The following CACNG2 variants were observed in gnomAD, a reference collection of about 807,000 sequenced individuals.
CACNG2 encodes voltage-dependent calcium channel gamma-2 subunit.
CACNG2 carries 3 observed loss-of-function variants against 25.9 expected under a neutral mutation model. That is an observed-to-expected ratio of 0.12 (90% confidence interval 0.05 to 0.30). The LOEUF is 0.30. Ranked by LOEUF, CACNG2 falls within the 10% of genes least tolerant of loss-of-function variation. The probability of loss-of-function intolerance (pLI) is 1.00; values close to 1 mark genes in which losing one functional copy is unlikely to be tolerated. For synonymous variants in CACNG2, 167 were observed against 173.3 expected, an observed-to-expected ratio of 0.96 and a Z score of 0.29; for missense variants, 341 against 432.5, an observed-to-expected ratio of 0.79 and a Z score of 1.88.
intron 2 of CACNG2, among the ~76,000 whole-genome samples, chr22:36,576,565 TGTGTGTGC>T (rs1935316722): frequency 1.5e-5 from 1 of 66,736 alleles, no homozygotes; most frequent in African/African-American, 5.8e-5. Flanking sequence ...AAAATGCCTC[TGTGTGTGC>T]GTGTGTGTGT....
At chr22:36,568,439 C>G (rs1033319851) in intron 2 of CACNG2, among the ~76,000 whole-genome samples, 6 of 151,902 alleles carry the variant, frequency 3.9e-5, no homozygotes, top group African/African-American at 1.5e-4. Context: ...GAGTCTTGCT[C>G]TGTTGCCCAG....
chr22:36,610,417 C>T (rs1294287803), intron 1 of CACNG2, among the ~76,000 whole-genome samples: 1 of 152,220 alleles, frequency 6.6e-6, no homozygotes. Flanking sequence ...ATCAGTCCCC[C>T]AGACCGTGAT....
intron 1 of CACNG2, among the ~76,000 whole-genome samples, chr22:36,607,190 T>C (rs1479993474): frequency 6.6e-6 from 1 of 152,100 alleles, no homozygotes; most frequent in Non-Finnish European, 1.5e-5. Context: ...CTTGTGGCCT[T>C]TCCTACTTGG....
At chr22:36,626,383 C>T (rs1936183464) in intron 1 of CACNG2, among the ~76,000 whole-genome samples, 1 of 152,196 alleles carries the variant, frequency 6.6e-6, no homozygotes, top group African/African-American at 2.4e-5. Context: ...TCATTCTTGA[C>T]TACTTCTTTT....
Position 36,562,685 on chromosome 22 carries a change from A to G in CACNG2, c.*1666T>C, listed in dbSNP as rs2145900857. 1 of 152,090 alleles carries G rather than the reference A, an allele frequency of 6.6e-6. No homozygotes were observed. Among genetic ancestry groups the G allele is most frequent in the East Asian group, 1.9e-4 (1 of 5,138 alleles). The allele number at this position is 152,090 out of a possible 1,614,324, so 9.4% of individuals were successfully genotyped here. A position where few individuals can be genotyped will look rare whatever the true frequency, so the allele number is the denominator to read the frequency against. ...GAGACTGAGTGTGTCCCTGTGAGTG[A>G]CTGCAGTGCTGGGCTAAGTGGACTG... On this transcript the variant is annotated 3_prime_UTR_variant, in exon 4 of 4. Transcript: ENST00000300105.
chr22:36,690,980 C>T (rs540893261), intron 1 of CACNG2, among the ~76,000 whole-genome samples: 1 of 144,998 alleles, frequency 6.9e-6, no homozygotes, highest in African/African-American at 2.4e-5. Flanking sequence ...TATCTCCTCT[C>T]CCATACCTTG....
At chr22:36,677,786 C>T (rs955679248) in intron 1 of CACNG2, among the ~76,000 whole-genome samples, 2 of 152,182 alleles carry the variant, frequency 1.3e-5, no homozygotes, top group African/African-American at 4.8e-5. Flanking sequence ...TATATTTCTC[C>T]ATAGAGTGTC....
intron 1 of CACNG2, among the ~76,000 whole-genome samples, chr22:36,682,200 C>T (rs1382809380): frequency 1.3e-5 from 2 of 152,172 alleles, no homozygotes; most frequent in African/African-American, 2.4e-5. Flanking sequence ...GCTTGAAGGC[C>T]CTTGCAGGAG....
At chr22:36,694,689 G>C (rs1937311502) in intron 1 of CACNG2, among the ~76,000 whole-genome samples, 1 of 151,922 alleles carries the variant, frequency 6.6e-6, no homozygotes, top group South Asian at 2.1e-4. Context: ...TATTCTTTAG[G>C]GTCCCCTGCT....
chr22:36,611,541 A>G (rs1935939548), intron 1 of CACNG2, among the ~76,000 whole-genome samples: 1 of 152,226 alleles, frequency 6.6e-6, no homozygotes, highest in South Asian at 2.1e-4. Context: ...GACTGACATC[A>G]GGCAGGCAGG....
In CACNG2 at chr22:36,607,400, C is replaced by A. The variant is rs560505571; in HGVS notation, c.212-19852G>T. On this transcript the variant is annotated intron_variant, in intron 1 of 3. Coordinates refer to ENST00000300105, the MANE Select transcript of CACNG2 (RefSeq NM_006078.5). ...CCTCCTGAGTAGCTGGGACTACAGACACGCGCAATCATGCTCAGCTAATTT... is the reference window on the plus strand; with the variant it reads ...CCTCCTGAGTAGCTGGGACTACAGAAACGCGCAATCATGCTCAGCTAATTT... Among the ~76,000 whole-genome samples the A allele has an allele frequency of 4.6e-5, 7 of 152,242 alleles. No homozygotes were observed. The South Asian group carries it at 1.5e-3, about 32-fold the overall frequency.
At chr22:36,576,668 G>T (rs1935321016) in intron 2 of CACNG2, among the ~76,000 whole-genome samples, 2 of 152,092 alleles carry the variant, frequency 1.3e-5, no homozygotes, top group Non-Finnish European at 2.9e-5. Flanking sequence ...TGGTGGGTGA[G>T]AAATAGAAAG....
intron 1 of CACNG2, among the ~76,000 whole-genome samples, chr22:36,694,143 C>G (rs1270089089): frequency 6.6e-6 from 1 of 152,166 alleles, no homozygotes; most frequent in African/African-American, 2.4e-5. Context: ...TTCTTAGCAC[C>G]CTGCCTACGT....
At chr22:36,669,880 T>G (rs1309951473) in intron 1 of CACNG2, among the ~76,000 whole-genome samples, 1 of 152,046 alleles carries the variant, frequency 6.6e-6, no homozygotes, top group African/African-American at 2.4e-5. Flanking sequence ...GCCCAGTGAA[T>G]TTTTGTGTTT....
intron 3 of CACNG2, among the ~76,000 whole-genome samples, 198 bp from the exon 4 acceptor site, chr22:36,565,084 G>C (rs1312772244): frequency 1.3e-5 from 2 of 152,242 alleles, no homozygotes; most frequent in Non-Finnish European, 2.9e-5. Context: ...CATTCAGAGA[G>C]AGCCACAAGG....
At chr22:36,676,673 C>G (rs74903428) in intron 1 of CACNG2, among the ~76,000 whole-genome samples, 3,388 of 152,296 alleles carry the variant, frequency 0.022, 63 homozygotes, top group African/African-American at 0.037. Flanking sequence ...GTGAAAATGT[C>G]AGCATTTTCC....
chr22:36,595,376 G>A (rs1935664076), intron 1 of CACNG2, among the ~76,000 whole-genome samples: 1 of 152,174 alleles, frequency 6.6e-6, no homozygotes, highest in South Asian at 2.1e-4. Flanking sequence ...GCTCTCGTTA[G>A]CAGTTTGAAA....
intron 1 of CACNG2, among the ~76,000 whole-genome samples, chr22:36,685,550 T>C (rs1429122136): frequency 6.6e-6 from 1 of 152,166 alleles, no homozygotes; most frequent in Non-Finnish European, 1.5e-5. Flanking sequence ...TCTGGCCATG[T>C]CCTGGTAACC....
chr22:36,612,922 G>A (rs1215455536), intron 1 of CACNG2, among the ~76,000 whole-genome samples: 3 of 152,206 alleles, frequency 2.0e-5, no homozygotes, highest in Admixed American at 6.5e-5. Flanking sequence ...CGCTAATGCT[G>A]TGATTTCCAA....
Sources: allele counts gnomAD v4.1 joint callset (sites outside exome capture counted in the v4.1 genomes callset), GRCh38; gene constraint gnomAD v4.1.1; transcripts MANE v1.5; gene names NCBI Gene and HGNC (gene_info 2026-07-23, HGNC 2026-07-21).